The following PARM1 variants were observed in gnomAD, a reference collection of about 807,000 sequenced individuals.
The protein encoded by PARM1 is WSC4, cell wall integrity and stress response component 4 homolog.
PARM1 carries 14 observed loss-of-function variants against 24.6 expected under a neutral mutation model. The observed-to-expected ratio is 0.57, with a 90% CI of 0.38 to 0.89. The LOEUF is 0.89. Among genes scored for constraint, PARM1 ranks in the 40% least tolerant of loss-of-function variants. The probability of loss-of-function intolerance (pLI) is 0.00; values close to 1 mark genes in which losing one functional copy is unlikely to be tolerated. For synonymous variants in PARM1, 179 were observed against 156.6 expected (o/e 1.14, Z -1.07); for missense variants, 362 against 380.4 (o/e 0.95, Z 0.40).
At chr4:75,033,266 C>G (rs2109808758) in intron 2 of PARM1, among the ~76,000 whole-genome samples, 1 of 152,222 alleles carries the variant, frequency 6.6e-6, no homozygotes, top group African/African-American at 2.4e-5. Context: ...GTTTACTATT[C>G]AAGAATGAAA....
At position 75,032,705 on chromosome 4, in the gene PARM1, G is replaced by A. The variant is rs146066967; in HGVS notation, c.770-1178G>A. On this transcript the variant is annotated intron_variant, in intron 2 of 3. Coordinates refer to ENST00000307428, the MANE Select transcript of PARM1 (RefSeq NM_015393.4). Reference sequence around the variant, plus strand: ...TCAGCAGGTAAGTAGTATAAGAGTCGTCAGGGTTAAGTAAATAGTTCATGG... The same window carrying A: ...TCAGCAGGTAAGTAGTATAAGAGTCATCAGGGTTAAGTAAATAGTTCATGG... Among the ~76,000 whole-genome samples the A allele has an allele frequency of 2.3e-3, 355 of 152,254 alleles. 2 individuals are homozygous for A. The highest frequency in any genetic ancestry group is 6.8e-3 in the Middle Eastern group (2 of 294).
intron 2 of PARM1, among the ~76,000 whole-genome samples, chr4:75,017,120 C>T (rs1048915704): frequency 6.6e-6 from 1 of 152,156 alleles, no homozygotes; most frequent in African/African-American, 2.4e-5. Flanking sequence ...CTGATCGCCT[C>T]CCGTCCCTCT....
At chr4:74,989,149 A>G (rs1218569824) in intron 1 of PARM1, among the ~76,000 whole-genome samples, 2 of 152,064 alleles carry the variant, frequency 1.3e-5, no homozygotes, top group African/African-American at 4.8e-5. Context: ...TTAGCAACCA[A>G]CCCTCCAGCA....
intron 1 of PARM1, among the ~76,000 whole-genome samples, chr4:74,952,712 T>G (rs1233322857): frequency 6.6e-6 from 1 of 152,230 alleles, no homozygotes; most frequent in African/African-American, 2.4e-5. Flanking sequence ...TTACTGGATA[T>G]GAGAACATAA....
rs77611826 is a variant in PARM1 at position 74,979,806 on chromosome 4, T to C, written c.44-32619T>C. On this transcript the variant is annotated intron_variant, in intron 1 of 3. Transcript: ENST00000307428. ...CTTCATCCCCAGGATCCAAGGCTGG[T>C]TCAACATACACAAATCGATAAACGT... Among the ~76,000 whole-genome samples the C allele has an allele frequency of 8.2e-3, 1,248 of 152,300 alleles. 17 individuals carry two copies. Among genetic ancestry groups the C allele is most frequent in the African/African-American group, 0.029 (1,209 of 41,554 alleles).
chr4:74,958,702 G>C (rs896758274), intron 1 of PARM1, among the ~76,000 whole-genome samples: 1 of 152,156 alleles, frequency 6.6e-6, no homozygotes, highest in African/African-American at 2.4e-5. Context: ...GCCATTTCTA[G>C]AATGTGGCTC....
chr4:75,030,702 A>G (rs1723258315), intron 2 of PARM1, among the ~76,000 whole-genome samples: 1 of 152,160 alleles, frequency 6.6e-6, no homozygotes, highest in South Asian at 2.1e-4. Context: ...GCTTTATAAC[A>G]TGAGTCACAC....
intron 2 of PARM1, among the ~76,000 whole-genome samples, chr4:75,025,338 G>A (rs377178828): frequency 2.0e-5 from 3 of 152,154 alleles, no homozygotes; most frequent in South Asian, 4.1e-4. Context: ...TGTGTTAATC[G>A]GTTGTTCTAA....
chr4:74,933,201 G>C lies in PARM1; in HGVS notation c.-127G>C. ...TTGCCTCGCGCCCTCCACTGGAGCT[G>C]TTCGCGCCTCCCGGCTCCCACCGCA... On this transcript the variant is annotated 5_prime_UTR_variant, in exon 1 of 4. Transcript: ENST00000307428. The C allele has an allele frequency of 1.3e-6, 1 of 744,630 alleles. No homozygotes were observed. The highest frequency in any genetic ancestry group is 1.7e-5 in the South Asian group (1 of 60,428). The allele number at this position is 744,630 out of a possible 1,614,324, so 46.1% of individuals were successfully genotyped here.
At chr4:75,037,501 C>T (rs1723395688) in intron 3 of PARM1, among the ~76,000 whole-genome samples, 1 of 152,200 alleles carries the variant, frequency 6.6e-6, no homozygotes, top group South Asian at 2.1e-4. Flanking sequence ...ACTTAAGAGC[C>T]ATCTGCTTTT....
intron 1 of PARM1, among the ~76,000 whole-genome samples, chr4:75,007,829 C>T (rs1218070023): frequency 6.6e-6 from 1 of 152,178 alleles, no homozygotes; most frequent in Non-Finnish European, 1.5e-5. Context: ...AGAACTTACT[C>T]TCTGTCTTCA....
chr4:74,959,257 C>T (rs952015620), intron 1 of PARM1, among the ~76,000 whole-genome samples: 5 of 151,986 alleles, frequency 3.3e-5, no homozygotes, highest in African/African-American at 1.2e-4. Flanking sequence ...CTCTTATCCT[C>T]CCCCCCATCA....
chr4:75,012,081 C>G (rs546673022), intron 1 of PARM1, among the ~76,000 whole-genome samples: 2 of 152,274 alleles, frequency 1.3e-5, no homozygotes, highest in South Asian at 4.1e-4. Flanking sequence ...GCAGTCCAGA[C>G]AAGTTCCCAT....
chr4:75,035,719 G>A (rs1267140276), intron 3 of PARM1, among the ~76,000 whole-genome samples: 3 of 152,094 alleles, frequency 2.0e-5, no homozygotes, highest in South Asian at 2.1e-4. Context: ...AGAGTGCCTT[G>A]TAATATCACC....
At chr4:74,959,784 C>T (rs959629624) in intron 1 of PARM1, among the ~76,000 whole-genome samples, 2 of 152,148 alleles carry the variant, frequency 1.3e-5, no homozygotes, top group African/African-American at 4.8e-5. Flanking sequence ...GATTTTTCAT[C>T]ATTAAGAAAA....
intron 2 of PARM1, among the ~76,000 whole-genome samples, chr4:75,026,248 G>C (rs1723181215): frequency 6.6e-6 from 1 of 151,894 alleles, no homozygotes; most frequent in Non-Finnish European, 1.5e-5. Context: ...CACTTACTTT[G>C]GGCCTAGACA....
At chr4:75,032,276 C>G (rs1210558205) in intron 2 of PARM1, among the ~76,000 whole-genome samples, 2 of 151,978 alleles carry the variant, frequency 1.3e-5, no homozygotes, top group Non-Finnish European at 2.9e-5. Flanking sequence ...TTTTTTTGGT[C>G]TCTCTTTTAG....
At position 74,933,355 on chromosome 4, in the gene PARM1, T is replaced by A; in HGVS notation, c.28T>A (p.Cys10Ser). 1.2e-6 allele frequency: 2 copies of A among 1,612,948 alleles called. No individual in the cohort carries two copies. Among genetic ancestry groups the A allele is most frequent in the Non-Finnish European group, 8.5e-7 (1 of 1,179,572 alleles). The part of the protein sequence containing the change: MVYKTLFAL[C>S]ILTAGWRVQS... The stretch of plus-strand genomic sequence containing the variant: ...GGTCTACAAGACTCTCTTCGCTCTT[T>A]GCATCTTAACTGCAGGTAATTGGCG... Residue 10 changes from cysteine to serine, a missense_variant, in exon 1 of 4, where the codon TGC becomes AGC. Transcript: ENST00000307428.
intron 1 of PARM1, chr4:74,965,218 A>G (rs1420744876): frequency 6.6e-6 from 1 of 152,184 alleles, no homozygotes; most frequent in Non-Finnish European, 1.5e-5. Context: ...ATAAAGGAAG[A>G]AAGTTATTTG....
Sources: gnomAD v4.1 joint callset for allele counts (sites outside exome capture counted in the v4.1 genomes callset) on GRCh38, gnomAD v4.1.1 for gene constraint, MANE v1.5 for transcripts, NCBI Gene and HGNC (gene_info 2026-07-23, HGNC 2026-07-21) for gene names.